Variants in CATSPERH observed in about 807,000 individuals in gnomAD.
CATSPERH encodes the protein cation channel sperm-associated auxiliary subunit eta.
chr11:65,088,780 C>A, the CATSPERH span: 1 of 1,535,294 alleles, frequency 6.5e-7, no homozygotes, highest in East Asian at 2.4e-5. Flanking sequence ...GAGAGTGGCC[C>A]CCTCGCACAA....
chr11:65,088,939 G>T, the CATSPERH span: 2 of 1,535,744 alleles, frequency 1.3e-6, no homozygotes, highest in Non-Finnish European at 1.7e-6. Context: ...TGATGAAGAT[G>T]CCCAGGTGTA....
At chr11:65,088,549 C>G in the CATSPERH span, 21 of 1,525,104 alleles carry the variant, frequency 1.4e-5, no homozygotes, top group Non-Finnish European at 1.7e-5. Flanking sequence ...GGGGACAGAG[C>G]CCCCCATGAG....
chr11:65,088,923 C>T, the CATSPERH span: 4 of 1,535,708 alleles, frequency 2.6e-6, no homozygotes, highest in Non-Finnish European at 3.5e-6. Flanking sequence ...AAGTTGTGCA[C>T]GTCTCTGATG....
the CATSPERH span, chr11:65,088,753 G>A: frequency 2.0e-5 from 30 of 1,536,008 alleles, no homozygotes; most frequent in Middle Eastern, 8.3e-4. Context: ...TGGGAGAACT[G>A]TAGGCCCATC....
the CATSPERH span, chr11:65,088,893 C>T: frequency 6.5e-7 from 1 of 1,535,784 alleles, no homozygotes; most frequent in South Asian, 1.2e-5. Context: ...CTCATGTGGT[C>T]ATAGTGGTAG....
chr11:65,088,870 C>T, the CATSPERH span: 21 of 1,535,780 alleles, frequency 1.4e-5, no homozygotes, highest in South Asian at 1.7e-4. Flanking sequence ...TCAGGACGAC[C>T]GTGTAGTGAA....
the CATSPERH span, chr11:65,088,856 A>C: frequency 6.5e-7 from 1 of 1,535,774 alleles, no homozygotes; most frequent in Non-Finnish European, 8.7e-7. Context: ...CCCTGAGCCT[A>C]CCATCAGGAC....
the CATSPERH span, chr11:65,088,731 A>G: frequency 6.5e-7 from 1 of 1,536,072 alleles, no homozygotes; most frequent in Non-Finnish European, 8.7e-7. Context: ...AGCCCAGCAG[A>G]TGCTGATCAC....
chr11:65,088,850 G>A, the CATSPERH span: 1 of 1,535,880 alleles, frequency 6.5e-7, no homozygotes, highest in African/African-American at 1.4e-5. Context: ...TCCCTGCCCT[G>A]AGCCTACCAT....
chr11:65,088,972 C>T, the CATSPERH span: 56 of 1,535,626 alleles, frequency 3.6e-5, no homozygotes, highest in South Asian at 1.2e-4. Flanking sequence ...TCAGCGCAGC[C>T]GTGGTGAGCA....
chr11:65,088,905 T>A, the CATSPERH span: 1 of 1,535,684 alleles, frequency 6.5e-7, no homozygotes, highest in South Asian at 1.2e-5. Context: ...TAGTGGTAGG[T>A]GATGCAGAAG....
chr11:65,088,421 C>T, the CATSPERH span: 1 of 1,532,580 alleles, frequency 6.5e-7, no homozygotes, highest in Non-Finnish European at 8.7e-7. Flanking sequence ...CCTTTTGCTT[C>T]CCCCTCCTTA....
the CATSPERH span, chr11:65,089,027 C>T: frequency 1.6e-5 from 25 of 1,535,444 alleles, no homozygotes; most frequent in African/African-American, 4.1e-5. Flanking sequence ...GTCTTGCAGC[C>T]ACATCTTGCC....
chr11:65,088,509 G>A, the CATSPERH span: 35 of 1,535,982 alleles, frequency 2.3e-5, no homozygotes, highest in Non-Finnish European at 2.8e-5. Context: ...ACAGGCGGTT[G>A]AAGAACATGG....
chr11:65,088,980 G>A, the CATSPERH span: 3 of 1,535,762 alleles, frequency 2.0e-6, no homozygotes, highest in Non-Finnish European at 2.6e-6. Context: ...GCCGTGGTGA[G>A]CATCATGCCT....
At chr11:65,088,861 C>G in the CATSPERH span, 16 of 1,535,842 alleles carry the variant, frequency 1.0e-5, no homozygotes, top group African/African-American at 2.1e-4. Context: ...AGCCTACCAT[C>G]AGGACGACCG....
the CATSPERH span, chr11:65,088,503 G>A: frequency 2.0e-5 from 30 of 1,536,026 alleles, no homozygotes; most frequent in Non-Finnish European, 2.5e-5. Flanking sequence ...CCAAGGACAG[G>A]CGGTTGAAGA....
the CATSPERH span, chr11:65,088,598 A>G: frequency 6.6e-7 from 1 of 1,526,668 alleles, no homozygotes; most frequent in African/African-American, 1.4e-5. Flanking sequence ...GCCACATCTC[A>G]GGGTTCCAAA....
the CATSPERH span, chr11:65,088,952 A>C: frequency 6.5e-7 from 1 of 1,535,758 alleles, no homozygotes; most frequent in Non-Finnish European, 8.7e-7. Context: ...CAGGTGTAAG[A>C]AGAAGAGCAT....
Sources: gnomAD v4.1 joint callset for allele counts on GRCh38, gnomAD v4.1.1 for gene constraint, MANE v1.5 for transcripts, NCBI Gene and HGNC (gene_info 2026-07-23, HGNC 2026-07-21) for gene names.